SLC39A12: variants seen among roughly 807,000 people sequenced by gnomAD.
SLC39A12 encodes the protein solute carrier family 39 member 12, also known as zinc transporter ZIP12.
In SLC39A12, 63 loss-of-function variants were observed where a neutral mutation model predicts 71.1. That is an observed-to-expected ratio of 0.89 (90% confidence interval 0.72 to 1.09). The LOEUF (loss-of-function observed/expected upper bound fraction) is 1.09, where lower values mean the gene tolerates loss of function less well. SLC39A12 is among the 50% of genes least tolerant of loss of function. The probability of loss-of-function intolerance (pLI) is 0.00; values close to 1 mark genes in which losing one functional copy is unlikely to be tolerated. For synonymous variants in SLC39A12, 351 were observed against 301.3 expected (o/e 1.16, Z -1.71); for missense variants, 892 against 812.6 (o/e 1.10, Z -1.19).
At chr10:18,025,286 G>A (rs1292779281) in intron 12 of SLC39A12, among the ~76,000 whole-genome samples, 2 of 151,806 alleles carry the variant, frequency 1.3e-5, no homozygotes, top group African/African-American at 4.8e-5. Flanking sequence ...ACAACATGCA[G>A]GTTAGTTACA....
intron 12 of SLC39A12, among the ~76,000 whole-genome samples, chr10:18,038,553 G>A (rs1321419013): frequency 6.6e-6 from 1 of 152,172 alleles, no homozygotes; most frequent in Admixed American, 6.6e-5. Flanking sequence ...CAGAGGCTGA[G>A]GCAGGAGAAT....
At chr10:18,035,166 C>T (rs1203419722) in intron 12 of SLC39A12, among the ~76,000 whole-genome samples, 1 of 149,202 alleles carries the variant, frequency 6.7e-6, no homozygotes. Flanking sequence ...GTGGCGTTCT[C>T]TGTGTTTCCT....
intron 4 of SLC39A12, among the ~76,000 whole-genome samples, chr10:17,971,494 T>C (rs747407821): frequency 2.6e-5 from 4 of 151,964 alleles, no homozygotes; most frequent in Admixed American, 6.6e-5. Flanking sequence ...GGATTTTTAT[T>C]ATGGCTTTAA....
chr10:18,000,746 A>C lies in SLC39A12; in HGVS notation c.1680A>C (p.Gly560=). The C allele has an allele frequency of 6.2e-7, 1 of 1,614,184 alleles. No homozygotes were observed. The highest frequency in any genetic ancestry group is 1.3e-5 in the African/African-American group (1 of 75,058). ...ATTTTGCAGATGGCCTAGCCATAGG[A>C]GCAGCCTTCTCATCATCATCCGAGT... ...LHNFADGLAI[G]AAFSSSSESG... The change falls in exon 11 of 13, where the codon GGA becomes GGC. Residue 560 remains glycine, a synonymous_variant. Coordinates refer to ENST00000377369, the MANE Select transcript of SLC39A12 (RefSeq NM_001145195.2).
intron 4 of SLC39A12, among the ~76,000 whole-genome samples, chr10:17,966,243 GA>G (rs1834821837): frequency 6.6e-6 from 1 of 152,152 alleles, no homozygotes; most frequent in Admixed American, 6.5e-5. Flanking sequence ...TTGTACTTGA[GA>G]AGACATTAAA....
chr10:17,983,505 C>T (rs1040439518), intron 6 of SLC39A12, among the ~76,000 whole-genome samples: 8 of 151,878 alleles, frequency 5.3e-5, no homozygotes, highest in Admixed American at 1.3e-4. Context: ...GAACCTAGGC[C>T]GGGCACAGTG....
intron 10 of SLC39A12, among the ~76,000 whole-genome samples, chr10:17,998,977 A>G (rs1032440406): frequency 2.7e-5 from 4 of 149,668 alleles, no homozygotes; most frequent in Non-Finnish European, 4.4e-5. Flanking sequence ...AATTATTAGA[A>G]TAATTAGAAT....
At chr10:17,996,766 G>T (rs571051275) in intron 10 of SLC39A12, among the ~76,000 whole-genome samples, 25 of 152,194 alleles carry the variant, frequency 1.6e-4, no homozygotes, top group African/African-American at 5.8e-4. Context: ...GGGAGGCCGA[G>T]GCGGGCAGAT....
intron 4 of SLC39A12, among the ~76,000 whole-genome samples, chr10:17,967,844 G>A (rs1318154859): frequency 3.4e-5 from 5 of 148,868 alleles, no homozygotes; most frequent in East Asian, 2.0e-4. Flanking sequence ...CTGAGTTCCC[G>A]CCACTGTACT....
rs200825005 is a variant in SLC39A12, at chr10:17,993,649, AC to A, written c.1533+359del. ...CTTAGCCATGACTAGGTGGATGAAA[AC>A]AGATGTGGAGCAAGGGATTACTTAG... On this transcript the variant is annotated intron_variant, in intron 9 of 12. Coordinates refer to ENST00000377369, the MANE Select transcript of SLC39A12 (RefSeq NM_001145195.2). 2.0e-5 allele frequency among the ~76,000 whole-genome samples: 3 copies of A among 152,288 alleles called. No homozygotes were observed. The East Asian group carries it at 5.8e-4, about 29-fold the overall frequency.
At chr10:18,016,299 T>C (rs1465924164) in intron 12 of SLC39A12, among the ~76,000 whole-genome samples, 1 of 152,228 alleles carries the variant, frequency 6.6e-6, no homozygotes, top group Non-Finnish European at 1.5e-5. Context: ...TGATACAGTG[T>C]GCTGCCTTTT....
intron 12 of SLC39A12, among the ~76,000 whole-genome samples, chr10:18,038,803 G>A (rs1249083812): frequency 1.3e-5 from 2 of 152,022 alleles, no homozygotes; most frequent in Non-Finnish European, 2.9e-5. Context: ...TTGGTGATTT[G>A]ATCGACCCAA....
chr10:18,024,896 T>G (rs757029046), intron 12 of SLC39A12, among the ~76,000 whole-genome samples: 2 of 152,232 alleles, frequency 1.3e-5, no homozygotes, highest in Non-Finnish European at 2.9e-5. Context: ...CTCTGAATTC[T>G]GCTCAGTCTG....
chr10:17,989,932 G>A (rs1035324134), intron 7 of SLC39A12, among the ~76,000 whole-genome samples: 3 of 152,082 alleles, frequency 2.0e-5, no homozygotes, highest in Admixed American at 2.0e-4. Context: ...AAGAGACGAG[G>A]ACGAAAGTTG....
At chr10:18,022,067 A>G (rs1167645374) in intron 12 of SLC39A12, among the ~76,000 whole-genome samples, 1 of 152,022 alleles carries the variant, frequency 6.6e-6, no homozygotes, top group East Asian at 1.9e-4. Context: ...TTTTGTGTTG[A>G]CCTTGAAGAA....
At chr10:18,030,756 G>T (rs2130890955) in intron 12 of SLC39A12, among the ~76,000 whole-genome samples, 1 of 147,262 alleles carries the variant, frequency 6.8e-6, no homozygotes, top group South Asian at 2.2e-4. Context: ...TCGTCATCTA[G>T]CATTAGGTAT....
chr10:17,964,967 G>A (rs1834785792), intron 3 of SLC39A12, among the ~76,000 whole-genome samples: 1 of 152,208 alleles, frequency 6.6e-6, no homozygotes, highest in Non-Finnish European at 1.5e-5. Context: ...GGCACTTTGG[G>A]AGGCCAAGGC....
At position 18,000,735 on chromosome 10, in the gene SLC39A12, C is replaced by G; in HGVS notation, c.1669C>G (p.Leu557Val). 1 of 1,613,592 alleles carries G rather than the reference C, an allele frequency of 6.2e-7. No homozygotes were observed. Among genetic ancestry groups the G allele is most frequent in the Non-Finnish European group, 8.5e-7 (1 of 1,179,916 alleles). The change falls in exon 11 of 13, where the codon CTA becomes GTA. Residue 557 changes from leucine to valine, a missense_variant. By Grantham distance (32) the Leu-to-Val change is conservative. Coordinates refer to ENST00000377369, the MANE Select transcript of SLC39A12 (RefSeq NM_001145195.2). ...CAGCCTGCATAATTTTGCAGATGGC[C>G]TAGCCATAGGAGCAGCCTTCTCATC... ...GDSLHNFADG[L>V]AIGAAFSSSS...
In SLC39A12 at chr10:17,955,158, G is replaced by T. The variant is rs990869376; in HGVS notation, c.261+1621G>T. On this transcript the variant is annotated intron_variant, in intron 2 of 12. Transcript: ENST00000377369. ...GCTGGTTGAATAGTAGTTTTGCCAG[G>T]GGGGAAGGTAAATATGCAAAATTGT... Among the ~76,000 whole-genome samples, 3 of 152,130 alleles carry T rather than the reference G, an allele frequency of 2.0e-5. No homozygotes were observed. The East Asian group carries it at 5.8e-4, about 29-fold the overall frequency.
Sources: allele counts gnomAD v4.1 joint callset (sites outside exome capture counted in the v4.1 genomes callset), GRCh38; gene constraint gnomAD v4.1.1; transcripts MANE v1.5; gene names NCBI Gene and HGNC (gene_info 2026-07-23, HGNC 2026-07-21).